The following CDKAL1 variants were observed in gnomAD, a reference collection of about 807,000 sequenced individuals.
The protein encoded by CDKAL1 is threonylcarbamoyladenosine tRNA methylthiotransferase.
Under a neutral mutation model 68.2 loss-of-function variants are expected in CDKAL1, and 32 were observed. That is an observed-to-expected ratio of 0.47 (90% CI 0.35 to 0.63). CDKAL1 has a LOEUF of 0.63. Ranked by LOEUF, CDKAL1 falls within the 30% of genes least tolerant of loss-of-function variation. The probability of loss-of-function intolerance (pLI) is 0.00; values close to 1 mark genes in which losing one functional copy is unlikely to be tolerated. For missense variants in CDKAL1, 606 were observed against 696.7 expected (o/e 0.87, Z 1.47); for synonymous variants, 234 against 244.3 (o/e 0.96, Z 0.39).
chr6:20,541,956 G>A (rs1474347286), intron 2 of CDKAL1, among the ~76,000 whole-genome samples: 2 of 152,192 alleles, frequency 1.3e-5, no homozygotes, highest in Non-Finnish European at 1.5e-5. Flanking sequence ...CACCGTTTCC[G>A]GCAATTGACA....
chr6:20,566,876 T>C (rs1764481907), intron 4 of CDKAL1, among the ~76,000 whole-genome samples: 1 of 152,128 alleles, frequency 6.6e-6, no homozygotes, highest in Non-Finnish European at 1.5e-5. Flanking sequence ...TTTGTTAAAA[T>C]AAAAATTCCA....
intron 15 of CDKAL1, among the ~76,000 whole-genome samples, chr6:21,217,497 TTTTA>T (rs1425862119): frequency 1.3e-5 from 2 of 150,570 alleles, no homozygotes; most frequent in South Asian, 2.1e-4. Context: ...ATTTATTTAT[TTTTA>T]TTTATTTATT....
At chr6:20,662,442 A>T (rs185546828) in intron 5 of CDKAL1, among the ~76,000 whole-genome samples, 1 of 152,164 alleles carries the variant, frequency 6.6e-6, no homozygotes, top group Non-Finnish European at 1.5e-5. Context: ...AAAGTGCCCT[A>T]TGTTTACATA....
At chr6:21,142,070 T>C (rs561520415) in intron 13 of CDKAL1, among the ~76,000 whole-genome samples, 2 of 152,256 alleles carry the variant, frequency 1.3e-5, no homozygotes, top group African/African-American at 4.8e-5. Flanking sequence ...AACATTTAAA[T>C]AGCTGGTCCT....
At chr6:20,639,977 G>A (rs1223256221) in intron 4 of CDKAL1, among the ~76,000 whole-genome samples, 1 of 152,110 alleles carries the variant, frequency 6.6e-6, no homozygotes. Context: ...CATTTTCATT[G>A]GTTTTAAGAA....
chr6:20,692,172 G>A (rs1770899828), intron 5 of CDKAL1, among the ~76,000 whole-genome samples: 1 of 152,164 alleles, frequency 6.6e-6, no homozygotes, highest in South Asian at 2.1e-4. Flanking sequence ...AGGCTTAATA[G>A]AGTACATATG....
chr6:20,609,401 C>CTTCTTTT (rs1554162718), intron 4 of CDKAL1, among the ~76,000 whole-genome samples: 101 of 49,780 alleles, frequency 2.0e-3, no homozygotes, highest in South Asian at 0.014. Context: ...TCTTCTTCTT[C>CTTCTTTT]TTTTTTTTTT....
At chr6:20,652,499 T>G (rs1768819493) in intron 5 of CDKAL1, among the ~76,000 whole-genome samples, 1 of 152,186 alleles carries the variant, frequency 6.6e-6, no homozygotes, top group African/African-American at 2.4e-5. Flanking sequence ...TGGATCTTCT[T>G]AGAAACCTTC....
chr6:20,770,155 A>ATT (rs1242039660), intron 7 of CDKAL1, among the ~76,000 whole-genome samples: 1 of 152,146 alleles, frequency 6.6e-6, no homozygotes, highest in African/African-American at 2.4e-5. Flanking sequence ...AGGAGTTAAT[A>ATT]AAGATACGCT....
chr6:20,823,353 T>C (rs1379218440), intron 8 of CDKAL1, among the ~76,000 whole-genome samples: 5 of 152,182 alleles, frequency 3.3e-5, no homozygotes, highest in Non-Finnish European at 5.9e-5. Context: ...ACGGATGACA[T>C]AGTGTTTTGC....
intron 4 of CDKAL1, among the ~76,000 whole-genome samples, chr6:20,617,749 A>G (rs1766986686): frequency 6.6e-6 from 1 of 152,094 alleles, no homozygotes; most frequent in African/African-American, 2.4e-5. Flanking sequence ...ACATGAGCTC[A>G]TCATTTTTTA....
At chr6:21,103,480 G>C (rs1367117244) in intron 12 of CDKAL1, among the ~76,000 whole-genome samples, 1 of 151,900 alleles carries the variant, frequency 6.6e-6, no homozygotes, top group Non-Finnish European at 1.5e-5. Flanking sequence ...CTTGGAGAGT[G>C]GAATATAAAA....
In CDKAL1 at chr6:20,534,524, T is replaced by A. The variant is rs1763091023; in HGVS notation, c.-100T>A. 1 of 152,628 alleles carries A rather than the reference T, an allele frequency of 6.6e-6. No homozygotes were observed. Among genetic ancestry groups the A allele is most frequent in the Non-Finnish European group, 1.5e-5 (1 of 68,050 alleles). 9.5% of individuals were successfully genotyped at this position (152,628 alleles called of 1,614,324 possible). The stretch of plus-strand genomic sequence containing the variant: ...TAAAGTCTGTGCAGCTTCCGGAGAG[T>A]GGCGGGTTGATTTTCTCACTTTGGA... On this transcript the variant is annotated 5_prime_UTR_variant, in exon 1 of 16. Transcript: ENST00000274695.
At chr6:21,183,151 T>TC (rs762512942) in intron 13 of CDKAL1, among the ~76,000 whole-genome samples, 10 of 150,966 alleles carry the variant, frequency 6.6e-5, no homozygotes, top group Non-Finnish European at 1.3e-4. Flanking sequence ...TTTTTTTTTT[T>TC]CCAGCATAAT....
intron 5 of CDKAL1, among the ~76,000 whole-genome samples, chr6:20,710,392 T>G (rs1018094946): frequency 1.3e-5 from 2 of 152,136 alleles, no homozygotes; most frequent in African/African-American, 2.4e-5. Context: ...ACATGCTGTA[T>G]AGATGTGTAG....
intron 11 of CDKAL1, among the ~76,000 whole-genome samples, chr6:21,053,566 C>G (rs1352995099): frequency 4.6e-5 from 7 of 152,238 alleles, no homozygotes; most frequent in Middle Eastern, 3.4e-3. Context: ...ATGACTGCAC[C>G]ATTTAAAATT....
chr6:21,051,940 G>A (rs1211193698), intron 11 of CDKAL1, among the ~76,000 whole-genome samples: 1 of 152,186 alleles, frequency 6.6e-6, no homozygotes, highest in Non-Finnish European at 1.5e-5. Flanking sequence ...GAACATCTTA[G>A]TTATGCAAGG....
intron 4 of CDKAL1, among the ~76,000 whole-genome samples, chr6:20,595,016 TG>T (rs1765759300): frequency 6.6e-6 from 1 of 152,242 alleles, no homozygotes; most frequent in Admixed American, 6.5e-5. Context: ...TCTGCTGACT[TG>T]TATGGTTTCT....
intron 7 of CDKAL1, among the ~76,000 whole-genome samples, chr6:20,776,570 G>A (rs1339138694): frequency 6.6e-6 from 1 of 152,168 alleles, no homozygotes; most frequent in East Asian, 1.9e-4. Flanking sequence ...TAACTACTTA[G>A]AATCTTAGAG....
Sources: gnomAD v4.1 joint callset for allele counts (sites outside exome capture counted in the v4.1 genomes callset) on GRCh38, gnomAD v4.1.1 for gene constraint, MANE v1.5 for transcripts, NCBI Gene and HGNC (gene_info 2026-07-23, HGNC 2026-07-21) for gene names.